Variants in NDST3 observed in about 807,000 individuals in gnomAD.
NDST3 encodes the protein N-deacetylase and N-sulfotransferase 3.
A neutral mutation model predicts 96.1 loss-of-function variants in NDST3; 58 were observed. The ratio of observed to expected loss-of-function variants is 0.60; its 90% confidence interval spans 0.49 to 0.75. The LOEUF (loss-of-function observed/expected upper bound fraction) is 0.75. Among genes scored for constraint, NDST3 ranks in the 30% least tolerant of loss-of-function variants. NDST3 has a pLI of 0.00. For synonymous variants in NDST3, 333 were observed against 359.7 expected, an observed-to-expected ratio of 0.93 and a Z score of 0.84; for missense variants, 788 against 1,034.2, an observed-to-expected ratio of 0.76 and a Z score of 3.27.
At chr4:118,249,371 C>A (rs1741510991) in intron 12 of NDST3, among the ~76,000 whole-genome samples, 1 of 152,132 alleles carries the variant, frequency 6.6e-6, no homozygotes, top group African/African-American at 2.4e-5. Flanking sequence ...AATATTACAT[C>A]AATCACAGAC....
intron 6 of NDST3, among the ~76,000 whole-genome samples, chr4:118,178,390 C>T (rs1378302518): frequency 6.6e-6 from 1 of 152,010 alleles, no homozygotes; most frequent in Non-Finnish European, 1.5e-5. Flanking sequence ...TCTCTATAAA[C>T]TTGACTATTC....
At chr4:118,041,340 T>C (rs1024051664) in intron 1 of NDST3, among the ~76,000 whole-genome samples, 26 of 152,188 alleles carry the variant, frequency 1.7e-4, no homozygotes, top group African/African-American at 6.0e-4. Context: ...TGTTTATTAA[T>C]ATTAGCTGCA....
chr4:118,224,769 C>A (rs1356192175), intron 7 of NDST3, 96 bp downstream of exon 7: 25 of 1,112,870 alleles, frequency 2.2e-5, no homozygotes, highest in Non-Finnish European at 2.8e-5. Flanking sequence ...CCTGAAAAAA[C>A]CTGCATTTTG....
chr4:118,095,829 C>T (rs951464813), intron 2 of NDST3, among the ~76,000 whole-genome samples: 2 of 151,814 alleles, frequency 1.3e-5, no homozygotes, highest in Admixed American at 6.6e-5. Flanking sequence ...CAATATGTGG[C>T]CATATATGTC....
At chr4:118,043,465 C>A (rs922250859) in intron 1 of NDST3, among the ~76,000 whole-genome samples, 2 of 152,168 alleles carry the variant, frequency 1.3e-5, no homozygotes, top group African/African-American at 4.8e-5. Context: ...GCAATAAGTA[C>A]AAAGGAGATG....
intron 2 of NDST3, chr4:118,055,152 A>G: frequency 2.1e-6 from 1 of 482,906 alleles, no homozygotes; most frequent in Non-Finnish European, 3.7e-6. Context: ...CAACTAGAGT[A>G]GAAGTCATTT....
At chr4:118,226,171 A>C (rs1044901888) in intron 7 of NDST3, among the ~76,000 whole-genome samples, 1 of 152,112 alleles carries the variant, frequency 6.6e-6, no homozygotes, top group African/African-American at 2.4e-5. Context: ...AGGGTACTGT[A>C]ATTCTTCCTC....
chr4:118,057,370 G>A (rs1435963295), intron 2 of NDST3, among the ~76,000 whole-genome samples: 6 of 151,882 alleles, frequency 4.0e-5, no homozygotes, highest in African/African-American at 7.2e-5. Flanking sequence ...TGCCTCACAG[G>A]AAAAGTCTGG....
At chr4:118,105,162 A>G in intron 3 of NDST3, 57 bp downstream of exon 3, 1 of 1,344,198 alleles carries the variant, frequency 7.4e-7, no homozygotes, top group Non-Finnish European at 1.1e-6. Flanking sequence ...TCTATTTAAA[A>G]TTGCACACTT....
intron 6 of NDST3, among the ~76,000 whole-genome samples, chr4:118,192,709 G>A (rs2125967269): frequency 6.8e-6 from 1 of 147,182 alleles, no homozygotes; most frequent in African/African-American, 2.5e-5. Flanking sequence ...TTTGTTTTTT[G>A]TGGGTTTTTT....
At chr4:118,125,980 CA>C (rs1732026112) in intron 4 of NDST3, among the ~76,000 whole-genome samples, 1 of 151,920 alleles carries the variant, frequency 6.6e-6, no homozygotes, top group Non-Finnish European at 1.5e-5. Context: ...GCCACTCTGC[CA>C]ACATCCATAC....
At chr4:118,144,622 T>G (rs1266237820) in intron 6 of NDST3, among the ~76,000 whole-genome samples, 2 of 152,240 alleles carry the variant, frequency 1.3e-5, no homozygotes, top group Non-Finnish European at 2.9e-5. Flanking sequence ...GAAGGGATTT[T>G]ATTTCCCTTT....
chr4:118,123,528 T>C (rs903348402), intron 4 of NDST3, among the ~76,000 whole-genome samples: 1 of 152,140 alleles, frequency 6.6e-6, no homozygotes, highest in African/African-American at 2.4e-5. Flanking sequence ...TGCTACAGCA[T>C]AAAAAGTAAG....
chr4:118,188,511 G>A lies in NDST3; in HGVS notation c.1540-35980G>A, dbSNP rs559390569. Among the ~76,000 whole-genome samples the A allele has an allele frequency of 4.1e-4, 63 of 152,110 alleles. 4 individuals are homozygous for A. The South Asian group carries it at 0.013, about 32-fold the overall frequency. On this transcript the variant is annotated intron_variant, in intron 6 of 13. Transcript: ENST00000296499. ...GTTGTTTCTCCGATTTAGGTGCAGAGCACTGATAACTAATAGGCTATCGCA... is the reference window on the plus strand; with the variant it reads ...GTTGTTTCTCCGATTTAGGTGCAGAACACTGATAACTAATAGGCTATCGCA...
chr4:118,250,252 T>G (rs116530596), intron 12 of NDST3, among the ~76,000 whole-genome samples: 388 of 152,324 alleles, frequency 2.5e-3, no homozygotes, highest in Admixed American at 5.3e-3. Context: ...GTATTTTAAT[T>G]TCTAAGAAAC....
chr4:118,162,658 C>T (rs1735248911), intron 6 of NDST3, among the ~76,000 whole-genome samples: 8 of 148,780 alleles, frequency 5.4e-5, no homozygotes, highest in South Asian at 2.2e-4. Flanking sequence ...TAGAAGAAAA[C>T]CTAGGCATTA....
intron 4 of NDST3, among the ~76,000 whole-genome samples, chr4:118,127,711 T>C (rs2125884047): frequency 6.6e-6 from 1 of 152,188 alleles, no homozygotes; most frequent in African/African-American, 2.4e-5. Flanking sequence ...TTGGATTATA[T>C]TGTATATTTT....
chr4:118,199,326 A>C (rs371871263), intron 6 of NDST3, among the ~76,000 whole-genome samples: 1 of 152,210 alleles, frequency 6.6e-6, no homozygotes. Flanking sequence ...CTGCTTGATC[A>C]ACTCTGCTAT....
intron 6 of NDST3, among the ~76,000 whole-genome samples, chr4:118,190,551 A>T (rs1737239715): frequency 6.6e-6 from 1 of 152,120 alleles, no homozygotes; most frequent in South Asian, 2.1e-4. Context: ...ATCCAGGAGG[A>T]CTATGAAGGG....
Sources: allele counts gnomAD v4.1 joint callset (sites outside exome capture counted in the v4.1 genomes callset), GRCh38; gene constraint gnomAD v4.1.1; transcripts MANE v1.5; gene names NCBI Gene and HGNC (gene_info 2026-07-23, HGNC 2026-07-21).